Variants in INPP5K observed in about 807,000 individuals in gnomAD.
INPP5K encodes inositol polyphosphate 5-phosphatase K.
Under a neutral mutation model 53.5 loss-of-function variants are expected in INPP5K, and 35 were observed. That is an observed-to-expected ratio of 0.65 (90% CI 0.50 to 0.87). The LOEUF is 0.87. Among genes scored for constraint, INPP5K ranks in the 40% least tolerant of loss-of-function variants. The pLI, the probability that INPP5K is intolerant of heterozygous loss-of-function variation, is 0.00. For missense variants in INPP5K, 550 were observed against 586.2 expected, an observed-to-expected ratio of 0.94 and a Z score of 0.64; for synonymous variants, 253 against 232.8, an observed-to-expected ratio of 1.09 and a Z score of -0.79.
Position 1,516,538 on chromosome 17 carries a change from C to A in INPP5K, c.-39G>T. The A allele has an allele frequency of 6.5e-7, 1 of 1,538,022 alleles. No individual in the cohort carries two copies. The highest frequency in any genetic ancestry group is 8.7e-7 in the Non-Finnish European group (1 of 1,151,954). Reference sequence around the variant, plus strand: ...CCCGCGCGGTGGTCCGGCAGGTTCGCGTCTCCCGGCCAGCGGGTCCCGGCC... The same window carrying A: ...CCCGCGCGGTGGTCCGGCAGGTTCGAGTCTCCCGGCCAGCGGGTCCCGGCC... On this transcript the variant is annotated 5_prime_UTR_variant, in exon 1 of 12. Transcript: ENST00000421807.
At chr17:1,502,175 C>G (rs976321529) in intron 7 of INPP5K, among the ~76,000 whole-genome samples, 18 of 151,458 alleles carry the variant, frequency 1.2e-4, no homozygotes, top group Non-Finnish European at 2.4e-4. Flanking sequence ...TGGTGAAACC[C>G]CGTCTCTACT....
intron 3 of INPP5K, 95 bp from the exon 4 acceptor site, chr17:1,509,894 G>T: frequency 1.4e-6 from 1 of 710,516 alleles, no homozygotes; most frequent in Non-Finnish European, 2.5e-6. Flanking sequence ...AGAGCCCTCA[G>T]CTACATGCAG....
At position 1,509,925 on chromosome 17, in the gene INPP5K, G is replaced by GAT. The variant is rs542098065; in HGVS notation, c.262-128_262-127dup. ...TGCAGTGTCCTGCTCCAGGGTCTAC[G>GAT]ATATCCCAGTTTGAATCTCAGAGTT... On this transcript the variant is annotated intron_variant, in intron 3 of 11. Coordinates refer to ENST00000421807, the MANE Select transcript of INPP5K (RefSeq NM_016532.4). 2,082 of 612,854 alleles carry GAT rather than the reference G, an allele frequency of 3.4e-3. 15 individuals are homozygous for GAT. The highest frequency in any genetic ancestry group is 3.3e-3 in the Non-Finnish European group (1,160 of 347,528). The allele number at this position is 612,854 out of a possible 1,614,324, so 38.0% of individuals were successfully genotyped here. A position where few individuals can be genotyped will look rare whatever the true frequency, so the allele number is the denominator to read the frequency against.
Position 1,509,705 on chromosome 17 carries a change from G to A in INPP5K, c.356C>T (p.Pro119Leu). ...TACCCAGTACCCAAACAGGCCAGTG[G>A]GGGTGGATTTAGTAGACAGAATCTG... Reference protein sequence around the residue: ...YIQILSTKSTPTGLFGYWGNK... With the variant: ...YIQILSTKSTLTGLFGYWGNK... The change falls in exon 4 of 12, where the codon CCC becomes CTC. Residue 119 changes from proline to leucine, a missense_variant. Transcript: ENST00000421807. The A allele has an allele frequency of 2.5e-6, 4 of 1,609,976 alleles. No individual in the cohort carries two copies. Among genetic ancestry groups the A allele is most frequent in the Non-Finnish European group, 3.4e-6 (4 of 1,176,294 alleles).
At chr17:1,498,155 G>A (rs1216553092) in intron 7 of INPP5K, 33 bp from the exon 8 acceptor site, 1 of 1,550,502 alleles carries the variant, frequency 6.4e-7, no homozygotes, top group South Asian at 1.2e-5. Flanking sequence ...GAGGAAGAAT[G>A]GGGAAAGAAG....
intron 3 of INPP5K, chr17:1,510,502 C>G (rs568809411): frequency 6.6e-6 from 1 of 152,264 alleles, no homozygotes; most frequent in Non-Finnish European, 1.5e-5. Context: ...CCACCGCGCC[C>G]GGCCAAGCAT....
chr17:1,509,001 G>A (rs1228281899), intron 5 of INPP5K, 177 bp downstream of exon 5: 10 of 581,836 alleles, frequency 1.7e-5, no homozygotes, highest in Non-Finnish European at 2.7e-5. Context: ...AGGCTCACTC[G>A]TGGCGGTCAG....
At chr17:1,512,503 T>C (rs953241724) in intron 3 of INPP5K, among the ~76,000 whole-genome samples, 4 of 152,134 alleles carry the variant, frequency 2.6e-5, no homozygotes, top group African/African-American at 9.7e-5. Context: ...CCAGGCAAAC[T>C]AGGCTGACAG....
chr17:1,499,706 C>T (rs1342481741), intron 7 of INPP5K, among the ~76,000 whole-genome samples: 2 of 152,320 alleles, frequency 1.3e-5, no homozygotes, highest in South Asian at 2.1e-4. Flanking sequence ...TGAGGCCCTG[C>T]CCTCCTGGAG....
chr17:1,499,445 A>C (rs2074948707), intron 7 of INPP5K, among the ~76,000 whole-genome samples: 1 of 152,064 alleles, frequency 6.6e-6, no homozygotes, highest in Non-Finnish European at 1.5e-5. Flanking sequence ...GTGAGCTGAG[A>C]TCATACCACG....
In INPP5K at chr17:1,513,862, A is replaced by G. The variant is rs1236586627; in HGVS notation, c.152+10T>C. The G allele has an allele frequency of 6.3e-7, 1 of 1,596,354 alleles. No homozygotes were observed. The highest frequency in any genetic ancestry group is 2.2e-5 in the East Asian group (1 of 44,722). On this transcript the variant is annotated intron_variant, in intron 2 of 11. Transcript: ENST00000421807. ...GTCAGGGATGGGCGAAGGAGCCTGCAGATACCTACCCAATAACATATATGT... is the reference window on the plus strand; with the variant it reads ...GTCAGGGATGGGCGAAGGAGCCTGCGGATACCTACCCAATAACATATATGT...
intron 7 of INPP5K, chr17:1,498,334 C>T: frequency 2.3e-6 from 1 of 444,318 alleles, no homozygotes; most frequent in Non-Finnish European, 4.0e-6. Flanking sequence ...TCAGACTTAG[C>T]CAGGACCCTC....
chr17:1,510,376 C>G (rs2075279816), intron 3 of INPP5K: 1 of 152,282 alleles, frequency 6.6e-6, no homozygotes. Flanking sequence ...ACCACCAGGT[C>G]TTGTATTTTT....
At chr17:1,499,376 C>T (rs2074946973) in intron 7 of INPP5K, among the ~76,000 whole-genome samples, 1 of 152,072 alleles carries the variant, frequency 6.6e-6, no homozygotes, top group Non-Finnish European at 1.5e-5. Context: ...GCCTGTAATC[C>T]CAGCTACTCG....
intron 5 of INPP5K, chr17:1,508,595 A>G: frequency 3.3e-6 from 1 of 301,566 alleles, no homozygotes; most frequent in Non-Finnish European, 6.4e-6. Context: ...GGCTGGAGGA[A>G]GGGGACCCCA....
intron 7 of INPP5K, among the ~76,000 whole-genome samples, chr17:1,501,140 A>G (rs1427112844): frequency 1.3e-5 from 2 of 151,508 alleles, no homozygotes; most frequent in Non-Finnish European, 2.9e-5. Context: ...TTGTATTTTT[A>G]GTAGAGACTG....
chr17:1,511,019 A>AT (rs1360460441), intron 3 of INPP5K, among the ~76,000 whole-genome samples: 1 of 152,120 alleles, frequency 6.6e-6, no homozygotes, highest in African/African-American at 2.4e-5. Flanking sequence ...TTCTGTGTAC[A>AT]TTATAGCTCA....
intron 2 of INPP5K, 79 bp from the exon 3 acceptor site, chr17:1,513,640 C>T (rs541406592): frequency 2.1e-5 from 27 of 1,309,202 alleles, no homozygotes; most frequent in East Asian, 9.2e-5. Context: ...ACCATCTTCA[C>T]GGACTTTCAA....
At position 1,508,220 on chromosome 17, in the gene INPP5K, A is replaced by C; in HGVS notation, c.561T>G (p.Ile187Met). 1 of 1,612,934 alleles carries C rather than the reference A, an allele frequency of 6.2e-7. No homozygotes were observed. Among genetic ancestry groups the C allele is most frequent in the Non-Finnish European group, 8.5e-7 (1 of 1,178,974 alleles). Residue 187 changes from isoleucine to methionine, a missense_variant, in exon 6 of 12, where the codon ATT becomes ATG. Physicochemically the swap from Ile to Met is conservative, Grantham distance 10. Transcript: ENST00000421807. ...DIPNILDHDL[I>M]IWFGDMNFRI... ...GAAAGTTCATGTCTCCAAACCAGATAATGAGGCTTCAGAAAAAAAGGAGGG... is the reference window on the plus strand; with the variant it reads ...GAAAGTTCATGTCTCCAAACCAGATCATGAGGCTTCAGAAAAAAAGGAGGG...
Sources: allele counts gnomAD v4.1 joint callset (sites outside exome capture counted in the v4.1 genomes callset), GRCh38; gene constraint gnomAD v4.1.1; transcripts MANE v1.5; gene names NCBI Gene and HGNC (gene_info 2026-07-23, HGNC 2026-07-21).